The following FOXO1 variants were observed in gnomAD, a reference collection of about 807,000 sequenced individuals.
FOXO1 encodes forkhead box O1.
A neutral mutation model predicts 44.1 loss-of-function variants in FOXO1; 6 were observed. The ratio of observed to expected loss-of-function variants is 0.14; its 90% CI spans 0.07 to 0.27. The LOEUF (loss-of-function observed/expected upper bound fraction) is 0.27, where lower values mean the gene tolerates loss of function less well. Ranked by LOEUF, FOXO1 falls within the 10% of genes least tolerant of loss-of-function variation. The probability of loss-of-function intolerance (pLI) is 1.00; values close to 1 mark genes in which losing one functional copy is unlikely to be tolerated. For missense variants in FOXO1, 737 were observed against 888.8 expected (o/e 0.83, Z 2.17); for synonymous variants, 380 against 362.7 (o/e 1.05, Z -0.54).
chr13:40,633,775 A>T (rs927902689), intron 1 of FOXO1, among the ~76,000 whole-genome samples: 1 of 152,242 alleles, frequency 6.6e-6, no homozygotes, highest in Non-Finnish European at 1.5e-5. Flanking sequence ...TAAAGCTATT[A>T]TTAAAAATAG....
intron 1 of FOXO1, among the ~76,000 whole-genome samples, chr13:40,583,304 G>C (rs1366543423): frequency 6.6e-6 from 1 of 152,170 alleles, no homozygotes; most frequent in African/African-American, 2.4e-5. Flanking sequence ...AAGGGCACTA[G>C]AATTTTCTGA....
intron 1 of FOXO1, among the ~76,000 whole-genome samples, chr13:40,581,899 G>A (rs1405730407): frequency 6.6e-6 from 1 of 152,148 alleles, no homozygotes; most frequent in Non-Finnish European, 1.5e-5. Context: ...CCATCTATCA[G>A]CACAGCCAGG....
chr13:40,661,487 AG>A (rs1878034937), intron 1 of FOXO1, among the ~76,000 whole-genome samples: 1 of 152,106 alleles, frequency 6.6e-6, no homozygotes, highest in East Asian at 1.9e-4. Flanking sequence ...AGTAGAGATG[AG>A]GTTTCACCAT....
intron 1 of FOXO1, among the ~76,000 whole-genome samples, chr13:40,588,535 A>G (rs1292326668): frequency 6.6e-6 from 1 of 152,190 alleles, no homozygotes; most frequent in Non-Finnish European, 1.5e-5. Context: ...CCTTAAACTG[A>G]GTTTAAGATT....
intron 1 of FOXO1, among the ~76,000 whole-genome samples, chr13:40,569,727 T>G (rs1166236922): frequency 1.3e-5 from 2 of 152,192 alleles, no homozygotes; most frequent in East Asian, 3.9e-4. Context: ...AGGATGTTGT[T>G]CAAGTTAAGG....
chr13:40,586,751 C>T (rs1344030211), intron 1 of FOXO1, among the ~76,000 whole-genome samples: 1 of 152,146 alleles, frequency 6.6e-6, no homozygotes, highest in Non-Finnish European at 1.5e-5. Context: ...AACCTTTTAC[C>T]TGCACAAGAC....
At chr13:40,563,373 C>T (rs1157839557) in intron 1 of FOXO1, among the ~76,000 whole-genome samples, 2 of 152,152 alleles carry the variant, frequency 1.3e-5, no homozygotes, top group Non-Finnish European at 2.9e-5. Flanking sequence ...AGGGTAAGGC[C>T]CAGCAGTCAG....
chr13:40,595,248 G>A lies in FOXO1; in HGVS notation c.631-34388C>T, dbSNP rs118159920. On this transcript the variant is annotated intron_variant, in intron 1 of 2. Transcript: ENST00000379561. ...TTCTCTAAAGCCTAGCTTTAAAAGA[G>A]CTTGACACACTTTGTAAAGAATAAA... 9.0e-3 allele frequency among the ~76,000 whole-genome samples: 1,370 copies of A among 152,318 alleles called. 6 individuals are homozygous for A. The highest frequency in any genetic ancestry group is 0.015 in the Non-Finnish European group (1,053 of 68,024).
chr13:40,658,079 T>TA (rs1442818437), intron 1 of FOXO1, among the ~76,000 whole-genome samples: 51 of 152,224 alleles, frequency 3.4e-4, no homozygotes, highest in African/African-American at 1.2e-3. Context: ...CAGCATGAAT[T>TA]AAAAGATTAC....
intron 1 of FOXO1, among the ~76,000 whole-genome samples, chr13:40,632,293 A>T (rs1053619601): frequency 4.6e-5 from 7 of 152,180 alleles, no homozygotes; most frequent in African/African-American, 1.7e-4. Context: ...CAAAAACCCC[A>T]CAGAATGGGA....
At position 40,626,508 on chromosome 13, in the gene FOXO1, T is replaced by C. The variant is rs528178259; in HGVS notation, c.630+39075A>G. Among the ~76,000 whole-genome samples the C allele has an allele frequency of 7.9e-5, 12 of 152,364 alleles. No homozygotes were observed. In the South Asian group the frequency reaches 2.3e-3, roughly 29 times the overall value. On this transcript the variant is annotated intron_variant, in intron 1 of 2. Coordinates refer to ENST00000379561, the MANE Select transcript of FOXO1 (RefSeq NM_002015.4). ...TTTTTGCATTCCAGAGGTTACTGCA[T>C]GTTACTAAACATGCCTAAATTTTCT...
intron 1 of FOXO1, among the ~76,000 whole-genome samples, chr13:40,643,885 G>C (rs1160022844): frequency 6.6e-6 from 1 of 152,148 alleles, no homozygotes; most frequent in Non-Finnish European, 1.5e-5. Flanking sequence ...CTTCCCAGCA[G>C]TATCATTATC....
intron 1 of FOXO1, among the ~76,000 whole-genome samples, chr13:40,648,297 CT>C: frequency 6.6e-6 from 1 of 152,132 alleles, no homozygotes; most frequent in Non-Finnish European, 1.5e-5. Flanking sequence ...TAAGAGTTCC[CT>C]TTTGTAGCTC....
chr13:40,575,832 A>G (rs1874722721), intron 1 of FOXO1, among the ~76,000 whole-genome samples: 1 of 152,208 alleles, frequency 6.6e-6, no homozygotes, highest in African/African-American at 2.4e-5. Flanking sequence ...AAAACAAGAA[A>G]GGAAAGGCCC....
At chr13:40,663,191 C>T (rs995391073) in intron 1 of FOXO1, among the ~76,000 whole-genome samples, 1 of 152,244 alleles carries the variant, frequency 6.6e-6, no homozygotes, top group South Asian at 2.1e-4. Context: ...TAACAGGTCT[C>T]CTAGCTCTGG....
chr13:40,657,282 C>T (rs1877887456), intron 1 of FOXO1, among the ~76,000 whole-genome samples: 4 of 150,430 alleles, frequency 2.7e-5, no homozygotes, highest in African/African-American at 2.4e-5. Flanking sequence ...ATTTTCATAG[C>T]GAAATCGTAA....
intron 1 of FOXO1, among the ~76,000 whole-genome samples, chr13:40,591,120 G>T (rs1875353750): frequency 6.6e-6 from 1 of 152,010 alleles, no homozygotes; most frequent in Non-Finnish European, 1.5e-5. Flanking sequence ...GTTCAACAGA[G>T]GTCCATCGTT....
intron 1 of FOXO1, among the ~76,000 whole-genome samples, chr13:40,578,510 CTG>C (rs1394015163): frequency 6.6e-6 from 1 of 152,158 alleles, no homozygotes; most frequent in African/African-American, 2.4e-5. Flanking sequence ...CAGCCACTGA[CTG>C]TGTATCAGCA....
chr13:40,644,898 C>A (rs1157410317), intron 1 of FOXO1, among the ~76,000 whole-genome samples: 1 of 152,200 alleles, frequency 6.6e-6, no homozygotes, highest in Non-Finnish European at 1.5e-5. Flanking sequence ...CAACACTACT[C>A]ATCTCAAAGT....
Sources: allele counts gnomAD v4.1 joint callset (sites outside exome capture counted in the v4.1 genomes callset), GRCh38; gene constraint gnomAD v4.1.1; transcripts MANE v1.5; gene names NCBI Gene and HGNC (gene_info 2026-07-23, HGNC 2026-07-21).